The following ZNF618 variants were observed in gnomAD, a reference collection of about 807,000 sequenced individuals.
ZNF618 encodes the protein neural precursor cell expressed, developmentally down-regulated 10.
In ZNF618, 34 loss-of-function variants were observed where a neutral mutation model predicts 103.0. That is an observed-to-expected ratio of 0.33 (90% confidence interval 0.25 to 0.44). The LOEUF (loss-of-function observed/expected upper bound fraction) is 0.44. ZNF618 is among the 20% of genes least tolerant of loss of function. The pLI, the probability that ZNF618 is intolerant of heterozygous loss-of-function variation, is 1.00. For synonymous variants in ZNF618, 551 were observed against 542.2 expected (o/e 1.02, Z -0.23); for missense variants, 1,059 against 1,295.4 (o/e 0.82, Z 2.80).
intron 2 of ZNF618, among the ~76,000 whole-genome samples, chr9:113,973,299 C>T (rs972182076): frequency 5.3e-5 from 8 of 152,300 alleles, no homozygotes; most frequent in African/African-American, 1.9e-4. Flanking sequence ...AGCCCTCCAA[C>T]GTGGGCTTCT....
At chr9:113,888,679 A>G (rs544271057) in intron 1 of ZNF618, among the ~76,000 whole-genome samples, 36 of 152,326 alleles carry the variant, frequency 2.4e-4, no homozygotes, top group African/African-American at 8.7e-4. Context: ...TGGAGCCCAC[A>G]GGCTGTTGGA....
At chr9:114,018,740 T>C (rs1193188964) in intron 10 of ZNF618, among the ~76,000 whole-genome samples, 1 of 152,234 alleles carries the variant, frequency 6.6e-6, no homozygotes, top group Non-Finnish European at 1.5e-5. Context: ...TCACTTTCTT[T>C]TGCTTTCTAT....
intron 1 of ZNF618, among the ~76,000 whole-genome samples, chr9:113,878,640 TACA>T (rs1828191266): frequency 6.6e-6 from 1 of 152,214 alleles, no homozygotes; most frequent in Non-Finnish European, 1.5e-5. Flanking sequence ...CCCCAAAAGT[TACA>T]ATTTTTCTGT....
rs575002402 is a variant in ZNF618 at position 113,968,565 on chromosome 9, G to A, written c.34-552G>A. Among the ~76,000 whole-genome samples, 125 of 152,228 alleles carry A rather than the reference G, an allele frequency of 8.2e-4. 1 individual carries two copies. Among genetic ancestry groups the A allele is most frequent in the African/African-American group, 2.9e-3 (122 of 41,536 alleles). ...AGCTCCCTCTGTGCCCAAGGCCCCA[G>A]TCTCTGCATCTGAATCAGAATTGTA... On this transcript the variant is annotated intron_variant, in intron 1 of 14. Coordinates refer to ENST00000374126, the MANE Select transcript of ZNF618 (RefSeq NM_001318042.2).
intron 1 of ZNF618, among the ~76,000 whole-genome samples, chr9:113,921,824 A>G (rs1003726035): frequency 3.9e-5 from 6 of 152,238 alleles, no homozygotes; most frequent in Non-Finnish European, 8.8e-5. Flanking sequence ...GATGCCTTCT[A>G]TAAAGTGAAT....
intron 2 of ZNF618, among the ~76,000 whole-genome samples, chr9:113,983,589 T>TC (rs1839169112): frequency 6.6e-6 from 1 of 151,236 alleles, no homozygotes; most frequent in Non-Finnish European, 1.5e-5. Flanking sequence ...CAGTGTGAAC[T>TC]CTGATTTGTT....
chr9:113,966,115 G>C (rs12683614), intron 1 of ZNF618, among the ~76,000 whole-genome samples: 25,529 of 152,142 alleles, frequency 0.17, 2,424 homozygotes, highest in Non-Finnish European at 0.22. Context: ...AGGGTTGTCA[G>C]TGATTATTTT....
At chr9:114,002,753 T>G in intron 6 of ZNF618, 91 bp downstream of exon 6, 1 of 1,454,090 alleles carries the variant, frequency 6.9e-7, no homozygotes, top group Non-Finnish European at 9.4e-7. Flanking sequence ...CCAGAACTGC[T>G]CCAGGTGGCC....
chr9:113,912,769 A>G (rs1422607606), intron 1 of ZNF618, among the ~76,000 whole-genome samples: 1 of 152,084 alleles, frequency 6.6e-6, no homozygotes, highest in Non-Finnish European at 1.5e-5. Flanking sequence ...TGGTGCTGCC[A>G]CTGACCTCTG....
chr9:113,898,326 CT>C lies in ZNF618; in HGVS notation c.33+21914del, dbSNP rs1266261583. 5.3e-5 allele frequency among the ~76,000 whole-genome samples: 8 copies of C among 152,140 alleles called. No individual in the cohort carries two copies. In the East Asian group the frequency reaches 1.2e-3, roughly 22 times the overall value. ...CCATTTTGTTTCCTTCGCCCTCCCC[CT>C]GTTTGCCTCATTTATTCATTCAAAA... On this transcript the variant is annotated intron_variant, in intron 1 of 14. Coordinates refer to ENST00000374126, the MANE Select transcript of ZNF618 (RefSeq NM_001318042.2).
At chr9:113,905,072 GT>G (rs1564152243) in intron 1 of ZNF618, among the ~76,000 whole-genome samples, 1 of 146,780 alleles carries the variant, frequency 6.8e-6, no homozygotes, top group Non-Finnish European at 1.5e-5. Flanking sequence ...CTTGGAAACC[GT>G]TTGATTTTTT....
rs117724226 is a variant in ZNF618, at chr9:114,054,371, C to G, written c.*4204C>G. ...GGACACTCCCCTCATCTTGTCATCA[C>G]GATGGATATGCTGGAAGAGGAGGTG... On this transcript the variant is annotated 3_prime_UTR_variant, in exon 15 of 15. Coordinates refer to ENST00000374126, the MANE Select transcript of ZNF618 (RefSeq NM_001318042.2). The G allele has an allele frequency of 2.6e-5, 4 of 152,380 alleles. No homozygotes were observed. The East Asian group carries it at 7.7e-4, about 29-fold the overall frequency. 9.4% of individuals were successfully genotyped at this position (152,380 alleles called of 1,614,324 possible).
At chr9:113,975,692 A>T (rs1838404294) in intron 2 of ZNF618, among the ~76,000 whole-genome samples, 1 of 152,212 alleles carries the variant, frequency 6.6e-6, no homozygotes, top group African/African-American at 2.4e-5. Flanking sequence ...AAAATAAATT[A>T]AAAATCCAGA....
chr9:113,945,370 C>T (rs1834919696), intron 1 of ZNF618, among the ~76,000 whole-genome samples: 1 of 152,180 alleles, frequency 6.6e-6, no homozygotes, highest in Non-Finnish European at 1.5e-5. Context: ...GGAGTGTGTT[C>T]CTTCTCCGCA....
intron 1 of ZNF618, among the ~76,000 whole-genome samples, chr9:113,913,053 T>TGATC (rs1174795307): frequency 1.3e-5 from 2 of 152,034 alleles, no homozygotes; most frequent in Admixed American, 6.6e-5. Context: ...TCAGGGCAAG[T>TGATC]GATCTATAAG....
chr9:114,002,873 C>T (rs1588301147), intron 6 of ZNF618, among the ~76,000 whole-genome samples: 1 of 152,248 alleles, frequency 6.6e-6, no homozygotes, highest in African/African-American at 2.4e-5. Flanking sequence ...ATGGCAGGCT[C>T]ATTCTGGGAA....
intron 1 of ZNF618, among the ~76,000 whole-genome samples, chr9:113,962,624 G>A (rs1836959419): frequency 6.6e-6 from 1 of 152,126 alleles, no homozygotes. Flanking sequence ...GCATGCTCCT[G>A]TCCTGGGGTC....
At chr9:113,889,353 C>CT (rs1829402262) in intron 1 of ZNF618, among the ~76,000 whole-genome samples, 1 of 147,528 alleles carries the variant, frequency 6.8e-6, no homozygotes, top group East Asian at 2.0e-4. Context: ...CTCTTTCTCT[C>CT]CCTCCCTCTC....
chr9:114,025,648 G>T (rs1209520365), intron 10 of ZNF618, among the ~76,000 whole-genome samples: 1 of 152,136 alleles, frequency 6.6e-6, no homozygotes, highest in African/African-American at 2.4e-5. Flanking sequence ...CTGGGACATT[G>T]ATCCTGGCCC....
Sources: allele counts gnomAD v4.1 joint callset (sites outside exome capture counted in the v4.1 genomes callset), GRCh38; gene constraint gnomAD v4.1.1; transcripts MANE v1.5; gene names NCBI Gene and HGNC (gene_info 2026-07-23, HGNC 2026-07-21).